The following RPS6KA2 variants were observed in gnomAD, a reference collection of about 807,000 sequenced individuals.
RPS6KA2 encodes ribosomal protein S6 kinase alpha-2.
In RPS6KA2, 42 loss-of-function variants were observed where a neutral mutation model predicts 91.8. That is an observed-to-expected ratio of 0.46 (90% CI 0.36 to 0.59). RPS6KA2 has a LOEUF of 0.59. RPS6KA2 is among the 20% of genes least tolerant of loss of function. The pLI is 0.00. For synonymous variants in RPS6KA2, 414 were observed against 393.6 expected (o/e 1.05, Z -0.61); for missense variants, 798 against 978.5 (o/e 0.82, Z 2.46).
At chr6:166,589,262 G>A (rs144494605) in intron 1 of RPS6KA2, among the ~76,000 whole-genome samples, 139 of 152,312 alleles carry the variant, frequency 9.1e-4, no homozygotes, top group African/African-American at 3.2e-3. Context: ...CAGCTCAACA[G>A]GAAACCACGG....
intron 2 of RPS6KA2, among the ~76,000 whole-genome samples, chr6:166,707,839 G>A (rs936568123): frequency 1.3e-5 from 2 of 151,912 alleles, no homozygotes; most frequent in African/African-American, 4.8e-5. Flanking sequence ...GACCTCCCAG[G>A]CTCAAGCAAT....
At chr6:166,431,658 C>T (rs1315686476) in intron 15 of RPS6KA2, among the ~76,000 whole-genome samples, 2 of 152,040 alleles carry the variant, frequency 1.3e-5, no homozygotes, top group African/African-American at 4.8e-5. Flanking sequence ...TCTCAGTTGC[C>T]CAGGCTGGAG....
Position 166,626,578 on chromosome 6 carries a change from A to G in RPS6KA2, c.99+343T>C, listed in dbSNP as rs1786885694. On this transcript the variant is annotated intron_variant, in intron 1 of 20. Transcript: ENST00000265678. The surrounding 1 kb of genome is among the most constrained non-coding windows in gnomAD (Gnocchi z 4.1). The stretch of plus-strand genomic sequence containing the variant: ...GGACCCCCGCGGAGCGCTCCGCGCC[A>G]CTCGGCGGTCTAGCTGCAGAGAAAG... Among the ~76,000 whole-genome samples, 1 of 151,964 alleles carries G rather than the reference A, an allele frequency of 6.6e-6. No homozygotes were observed. The highest frequency in any genetic ancestry group is 2.1e-4 in the South Asian group (1 of 4,822).
chr6:166,430,642 C>T (rs1562488873), intron 15 of RPS6KA2, 31 bp from the exon 16 acceptor site: 4 of 1,589,584 alleles, frequency 2.5e-6, no homozygotes, highest in Non-Finnish European at 3.4e-6. Context: ...GCACACGTCA[C>T]CACGGCTGGT....
At chr6:166,706,991 A>T (rs1444107618) in intron 2 of RPS6KA2, among the ~76,000 whole-genome samples, 1 of 152,234 alleles carries the variant, frequency 6.6e-6, no homozygotes, top group Non-Finnish European at 1.5e-5. Flanking sequence ...ATTCAAATGG[A>T]TAAGTTCAAT....
intron 2 of RPS6KA2, among the ~76,000 whole-genome samples, chr6:166,729,100 T>C (rs901128786): frequency 6.6e-6 from 1 of 152,176 alleles, no homozygotes; most frequent in African/African-American, 2.4e-5. Context: ...CATCGCTCCC[T>C]CTAGCCCTCC....
At chr6:166,549,015 G>A (rs192981825) in intron 1 of RPS6KA2, among the ~76,000 whole-genome samples, 51 of 152,296 alleles carry the variant, frequency 3.3e-4, no homozygotes, top group Admixed American at 7.8e-4. Flanking sequence ...GAAAATGGGG[G>A]AGACAAGCAG....
At chr6:166,701,140 T>C in intron 2 of RPS6KA2, 1 of 1,612,074 alleles carries the variant, frequency 6.2e-7, no homozygotes, top group Non-Finnish European at 8.5e-7. Context: ...AGCCTTCTGT[T>C]GTTGCTGCTG....
chr6:166,768,760 T>C (rs986765969), intron 2 of RPS6KA2, among the ~76,000 whole-genome samples: 2 of 152,214 alleles, frequency 1.3e-5, no homozygotes, highest in African/African-American at 4.8e-5. Flanking sequence ...GTGTGAGATC[T>C]GATTTGCTTT....
intron 1 of RPS6KA2, among the ~76,000 whole-genome samples, chr6:166,579,752 T>TTTA (rs1235046464): frequency 1.3e-5 from 2 of 152,212 alleles, no homozygotes; most frequent in East Asian, 3.8e-4. Context: ...ATTTCACGAT[T>TTTA]TGACATTTTC....
At chr6:166,807,622 G>A (rs890334572) in intron 2 of RPS6KA2, among the ~76,000 whole-genome samples, 1 of 151,762 alleles carries the variant, frequency 6.6e-6, no homozygotes, top group African/African-American at 2.4e-5. Context: ...TACACCACCT[G>A]GCCTGGTGAC....
At chr6:166,723,860 C>T (rs1036857114) in intron 2 of RPS6KA2, among the ~76,000 whole-genome samples, 1 of 151,940 alleles carries the variant, frequency 6.6e-6, no homozygotes, top group South Asian at 2.1e-4. Context: ...CCACCACGCC[C>T]AGCTAATTTT....
chr6:166,824,689 GTGTGTCTGTGTC>G (rs1366235494), intron 2 of RPS6KA2, among the ~76,000 whole-genome samples: 2 of 147,974 alleles, frequency 1.4e-5, no homozygotes, highest in African/African-American at 2.5e-5. Context: ...GTGTCTACAT[GTGTGTCTGTGTC>G]TGTGTGTGTG....
At chr6:166,713,134 G>T (rs1485639448) in intron 2 of RPS6KA2, among the ~76,000 whole-genome samples, 1 of 152,152 alleles carries the variant, frequency 6.6e-6, no homozygotes, top group African/African-American at 2.4e-5. Flanking sequence ...CAGGCCACCT[G>T]TGCCTTCCCA....
At chr6:166,805,565 A>T (rs1483080698) in intron 2 of RPS6KA2, among the ~76,000 whole-genome samples, 2 of 152,206 alleles carry the variant, frequency 1.3e-5, no homozygotes, top group Non-Finnish European at 2.9e-5. Context: ...CTCAGAAAAC[A>T]CCTGCAAATA....
chr6:166,862,421 A>C (rs1194342794), exon 1 of RPS6KA2: 9 of 1,337,574 alleles, frequency 6.7e-6, no homozygotes, highest in Non-Finnish European at 8.7e-6. Context: ...CTCCCTGCCA[A>C]GCCAGGGCTC....
rs372371599 is a variant in RPS6KA2 at position 166,642,172 on chromosome 6, T to C, written c.124-103388A>G. ...CAGAGCAACCAGAAGAAAAGACAAC[T>C]TTTCTACAAATGAATGTTAATTACT... is the stretch of plus-strand genomic sequence containing the variant. On this transcript the variant is annotated intron_variant, in intron 2 of 21. Transcript: ENST00000503859. Among the ~76,000 whole-genome samples the C allele has an allele frequency of 8.9e-4, 135 of 152,080 alleles. No individual in the cohort carries two copies. The Middle Eastern group carries it at 0.027, about 31-fold the overall frequency.
At chr6:166,610,748 T>C (rs111977043) in intron 1 of RPS6KA2, among the ~76,000 whole-genome samples, 3 of 152,372 alleles carry the variant, frequency 2.0e-5, no homozygotes, top group African/African-American at 7.2e-5. Flanking sequence ...TGTTACCATG[T>C]TTTCATAAAA....
rs546903691 is a variant in RPS6KA2 at position 166,495,918 on chromosome 6, G to A, written c.747+2590C>T. Among the ~76,000 whole-genome samples the A allele has an allele frequency of 1.3e-5, 2 of 152,326 alleles. No individual in the cohort carries two copies. Among genetic ancestry groups the A allele is most frequent in the South Asian group, 2.1e-4 (1 of 4,828 alleles). On this transcript the variant is annotated intron_variant, in intron 8 of 20. Transcript: ENST00000265678. The surrounding 1 kb of genome is among the most constrained non-coding windows in gnomAD (Gnocchi z 4.4). ...CGGGGGGAGTTTGCTGGAGCAAGGC[G>A]AGCCCGACGTGGTCTCATTTCCTCT...
Sources: gnomAD v4.1 joint callset for allele counts (sites outside exome capture counted in the v4.1 genomes callset) on GRCh38, gnomAD v4.1.1 for gene constraint, Gnocchi (gnomAD v3.1) non-coding constraint, MANE v1.5 for transcripts, NCBI Gene and HGNC (gene_info 2026-07-23, HGNC 2026-07-21) for gene names.